The following XPO6 variants were observed in gnomAD, a reference collection of about 807,000 sequenced individuals.
XPO6 encodes the protein exportin-6.
In XPO6, 3 loss-of-function variants were observed where a neutral mutation model predicts 130.0. The observed-to-expected ratio is 0.02, with a 90% CI of 0.01 to 0.06. The LOEUF is 0.06. Ranked by LOEUF, XPO6 falls within the 10% of genes least tolerant of loss-of-function variation. The pLI is 1.00. For synonymous variants in XPO6, 524 were observed against 548.9 expected (o/e 0.95, Z 0.63); for missense variants, 970 against 1,393.0 (o/e 0.70, Z 4.83).
At chr16:28,165,709 A>G (rs1596916871) in intron 6 of XPO6, among the ~76,000 whole-genome samples, 1 of 152,344 alleles carries the variant, frequency 6.6e-6, no homozygotes, top group Non-Finnish European at 1.5e-5. Context: ...ATAAAGGAGA[A>G]GATGTGGAAA....
chr16:28,138,501 G>A (rs764720695), intron 9 of XPO6, among the ~76,000 whole-genome samples: 4 of 152,068 alleles, frequency 2.6e-5, no homozygotes, highest in Non-Finnish European at 5.9e-5. Flanking sequence ...AGTCCAAGTA[G>A]GAACCAGGCA....
At chr16:28,166,388 G>A (rs1596917957) in intron 6 of XPO6, 120 bp downstream of exon 6, 2 of 1,021,756 alleles carry the variant, frequency 2.0e-6, no homozygotes, top group East Asian at 5.3e-5. Context: ...CAAACTCTTG[G>A]CCTCTAGTGA....
chr16:28,208,766 G>T (rs750971401), intron 1 of XPO6, among the ~76,000 whole-genome samples: 1 of 152,190 alleles, frequency 6.6e-6, no homozygotes, highest in African/African-American at 2.4e-5. Flanking sequence ...CTGTCCAAGG[G>T]TCCTAAAGCA....
chr16:28,153,728 G>GTA, intron 7 of XPO6: 1 of 985,196 alleles, frequency 1.0e-6, no homozygotes, highest in East Asian at 1.1e-4. Flanking sequence ...ACACAAAAAG[G>GTA]TAAAGACATA....
In XPO6 at chr16:28,111,845, G is replaced by A. The variant is rs746853825; in HGVS notation, c.2313C>T (p.Ala771=). ...CATCCAGTGGCATCTTTCTCTGTGG[G>A]GCAACAGCACTGGGCTTCAGGTTGC... The part of the protein sequence containing the change: ...DYRNLKPSAV[A]PQRKMPLDDT... Residue 771 remains alanine (A), a synonymous_variant, in exon 17 of 24, where the codon GCC becomes GCT. Transcript: ENST00000304658. 2 of 1,614,000 alleles carry A rather than the reference G, an allele frequency of 1.2e-6. No individual in the cohort carries two copies. The highest frequency in any genetic ancestry group is 1.7e-6 in the Non-Finnish European group (2 of 1,179,972).
At chr16:28,153,527 C>T (rs1271256816) in intron 7 of XPO6, 1 of 985,446 alleles carries the variant, frequency 1.0e-6, no homozygotes, top group South Asian at 4.7e-5. Flanking sequence ...ATCCCCAACT[C>T]ATTTGTATTC....
Position 28,135,210 on chromosome 16 carries a change from G to T in XPO6, c.1443+6C>A, listed in dbSNP as rs567445359. 18 of 1,611,404 alleles carry T rather than the reference G, an allele frequency of 1.1e-5. No individual in the cohort carries two copies. In the East Asian group the frequency reaches 4.0e-4, roughly 36 times the overall value. On this transcript the variant is annotated splice_donor_region_variant and intron_variant, in intron 10 of 23. Coordinates refer to ENST00000304658, the MANE Select transcript of XPO6 (RefSeq NM_015171.4). Reference sequence around the variant, plus strand: ...GACAAAAAATCAATCAGGGCATGCCGCTTACATCGTCATCCAGAGTCTCAT... The same window carrying T: ...GACAAAAAATCAATCAGGGCATGCCTCTTACATCGTCATCCAGAGTCTCAT...
At position 28,117,451 on chromosome 16, in the gene XPO6, G is replaced by A. The variant is rs764289350; in HGVS notation, c.1871C>T (p.Ser624Phe). 2 of 1,613,900 alleles carry A rather than the reference G, an allele frequency of 1.2e-6. No individual in the cohort carries two copies. Among genetic ancestry groups the A allele is most frequent in the Non-Finnish European group, 1.7e-6 (2 of 1,179,774 alleles). ...KPDLIDVHAQ[S>F]LAALQAYSHW... ...AGAGTAAGCCTGCAGCGCAGCCAGG[G>A]ACTGAGCATGCCTGCAGAAAGAAAA... Residue 624 changes from serine (S) to phenylalanine (F), a missense_variant, in exon 15 of 24, where the codon TCC (serine) becomes TTC (phenylalanine). Physicochemically the swap from Ser to Phe is radical, Grantham distance 155. Coordinates refer to ENST00000304658, the MANE Select transcript of XPO6 (RefSeq NM_015171.4).
At chr16:28,155,400 T>A (rs2043167605) in intron 7 of XPO6, among the ~76,000 whole-genome samples, 1 of 151,596 alleles carries the variant, frequency 6.6e-6, no homozygotes, top group Non-Finnish European at 1.5e-5. Flanking sequence ...GCAAGAGACA[T>A]AAATCATGAA....
At chr16:28,135,419 T>C in intron 9 of XPO6, 95 bp from the exon 10 acceptor site, 1 of 962,010 alleles carries the variant, frequency 1.0e-6, no homozygotes, top group South Asian at 1.5e-5. Flanking sequence ...GTGTCTATGT[T>C]GATCACCATG....
At chr16:28,198,976 T>C (rs2043911399) in intron 1 of XPO6, among the ~76,000 whole-genome samples, 1 of 152,090 alleles carries the variant, frequency 6.6e-6, no homozygotes, top group Non-Finnish European at 1.5e-5. Context: ...AAACCCCATC[T>C]CTATTAAAAA....
chr16:28,177,981 C>A (rs1425149557), intron 2 of XPO6, among the ~76,000 whole-genome samples: 1 of 152,158 alleles, frequency 6.6e-6, no homozygotes, highest in Non-Finnish European at 1.5e-5. Context: ...TGGTTAGAAA[C>A]GGTTTTCCTC....
At chr16:28,130,955 A>G (rs1310288384) in intron 12 of XPO6, among the ~76,000 whole-genome samples, 1 of 152,162 alleles carries the variant, frequency 6.6e-6, no homozygotes, top group Non-Finnish European at 1.5e-5. Flanking sequence ...TAATAGATCA[A>G]GAACAGTGTC....
chr16:28,154,628 A>T (rs1414027740), intron 7 of XPO6: 1 of 152,250 alleles, frequency 6.6e-6, no homozygotes, highest in Admixed American at 6.5e-5. Flanking sequence ...ACAGGGCAAT[A>T]GGAAGCACAG....
chr16:28,166,709 A>G (rs2043362392), intron 5 of XPO6, 124 bp from the exon 6 acceptor site: 1 of 1,488,172 alleles, frequency 6.7e-7, no homozygotes, highest in Admixed American at 2.2e-5. Context: ...TTTCTTGACC[A>G]TGTCCTCCTC....
At chr16:28,176,881 T>G (rs1195030641) in intron 3 of XPO6, among the ~76,000 whole-genome samples, 3 of 152,148 alleles carry the variant, frequency 2.0e-5, no homozygotes, top group Non-Finnish European at 4.4e-5. Flanking sequence ...AACTTTTTGT[T>G]GTTGGGGATG....
At chr16:28,164,224 T>C (rs965749311) in intron 6 of XPO6, among the ~76,000 whole-genome samples, 1 of 152,258 alleles carries the variant, frequency 6.6e-6, no homozygotes, top group African/African-American at 2.4e-5. Flanking sequence ...ATTTGGTTGC[T>C]TCACTGGGCC....
chr16:28,158,772 G>A (rs2043223127), intron 6 of XPO6, among the ~76,000 whole-genome samples: 1 of 152,180 alleles, frequency 6.6e-6, no homozygotes, highest in South Asian at 2.1e-4. Flanking sequence ...AGAGCCTGAA[G>A]GGGTTGGGGC....
chr16:28,180,368 A>C (rs2043595771), intron 2 of XPO6, among the ~76,000 whole-genome samples: 1 of 152,016 alleles, frequency 6.6e-6, no homozygotes. Flanking sequence ...CGTCTCAAAA[A>C]CAAAACAAAA....
Sources: gnomAD v4.1 joint callset for allele counts (sites outside exome capture counted in the v4.1 genomes callset) on GRCh38, gnomAD v4.1.1 for gene constraint, MANE v1.5 for transcripts, NCBI Gene and HGNC (gene_info 2026-07-23, HGNC 2026-07-21) for gene names.